Variants in DLC1 observed in about 807,000 individuals in gnomAD.
DLC1 encodes the protein DLC1 Rho GTPase activating protein.
A neutral mutation model predicts 140.3 loss-of-function variants in DLC1; 54 were observed. The observed-to-expected ratio is 0.38, with a 90% CI of 0.31 to 0.48. DLC1 has a LOEUF of 0.48. Ranked by LOEUF, DLC1 falls within the 20% of genes least tolerant of loss-of-function variation. DLC1 has a pLI of 0.96. For synonymous variants in DLC1, 986 were observed against 728.1 expected, an observed-to-expected ratio of 1.35 and a Z score of -5.70; for missense variants, 2,536 against 1,907.0, an observed-to-expected ratio of 1.33 and a Z score of -6.14.
intron 5 of DLC1, among the ~76,000 whole-genome samples, chr8:13,136,507 C>T (rs1175979316): frequency 6.6e-6 from 1 of 152,166 alleles, no homozygotes; most frequent in Non-Finnish European, 1.5e-5. Flanking sequence ...CTGCAAAGGA[C>T]ATCATTTCAT....
chr8:13,346,920 C>A (rs1016428598), intron 4 of DLC1, among the ~76,000 whole-genome samples: 1 of 152,186 alleles, frequency 6.6e-6, no homozygotes, highest in African/African-American at 2.4e-5. Context: ...TGTGGTCAAC[C>A]GTGGTCTGAA....
intron 5 of DLC1, among the ~76,000 whole-genome samples, chr8:13,130,863 C>G (rs1451090073): frequency 6.6e-6 from 1 of 152,218 alleles, no homozygotes; most frequent in Non-Finnish European, 1.5e-5. Context: ...CAAAAGCAAA[C>G]TTTTCAAAAC....
intron 5 of DLC1, among the ~76,000 whole-genome samples, chr8:13,199,716 T>A (rs1827272972): frequency 6.6e-6 from 1 of 152,204 alleles, no homozygotes; most frequent in Non-Finnish European, 1.5e-5. Flanking sequence ...TATGTATTTA[T>A]GGATGATAAC....
At chr8:13,281,583 T>C (rs930685167) in intron 5 of DLC1, among the ~76,000 whole-genome samples, 1 of 152,168 alleles carries the variant, frequency 6.6e-6, no homozygotes, top group African/African-American at 2.4e-5. Flanking sequence ...TACACTGGGG[T>C]TCTATGCTTA....
chr8:13,176,098 A>G (rs1825744247), intron 5 of DLC1, among the ~76,000 whole-genome samples: 1 of 152,212 alleles, frequency 6.6e-6, no homozygotes, highest in African/African-American at 2.4e-5. Flanking sequence ...TTTTCTGGAT[A>G]TAAACTTCTT....
intron 5 of DLC1, among the ~76,000 whole-genome samples, chr8:13,200,235 A>G (rs1391692217): frequency 1.3e-5 from 2 of 149,502 alleles, no homozygotes; most frequent in South Asian, 2.1e-4. Context: ...GTATATATAT[A>G]TTTTTTTTAG....
At chr8:13,378,133 GGTTT>G (rs1170990770) in intron 4 of DLC1, among the ~76,000 whole-genome samples, 2 of 131,844 alleles carry the variant, frequency 1.5e-5, no homozygotes, top group Non-Finnish European at 3.3e-5. Context: ...ACAATGTGCA[GGTTT>G]GTTACATATG....
At chr8:13,158,211 CA>C (rs1651780343) in intron 5 of DLC1, among the ~76,000 whole-genome samples, 1 of 152,170 alleles carries the variant, frequency 6.6e-6, no homozygotes, top group African/African-American at 2.4e-5. Context: ...CCCATATCAT[CA>C]AGAGGGGTTA....
chr8:13,357,426 G>A (rs1472035419), intron 4 of DLC1, among the ~76,000 whole-genome samples: 1 of 152,220 alleles, frequency 6.6e-6, no homozygotes, highest in African/African-American at 2.4e-5. Context: ...ACTCCAGCTT[G>A]CAGAGCTCTG....
At chr8:13,127,666 A>G (rs538905673) in intron 5 of DLC1, among the ~76,000 whole-genome samples, 18 of 152,314 alleles carry the variant, frequency 1.2e-4, no homozygotes, top group African/African-American at 4.3e-4. Context: ...TCACTTCTGA[A>G]GTCTCTTCTT....
chr8:13,543,289 C>T (rs1803546842), intron 1 of DLC1, among the ~76,000 whole-genome samples: 1 of 152,016 alleles, frequency 6.6e-6, no homozygotes, highest in Non-Finnish European at 1.5e-5. Context: ...TGAAGTAGTG[C>T]CTTGTGCTAG....
chr8:13,300,646 G>C (rs1832153100), intron 5 of DLC1, among the ~76,000 whole-genome samples: 1 of 152,100 alleles, frequency 6.6e-6, no homozygotes, highest in Non-Finnish European at 1.5e-5. Flanking sequence ...GGGTGGATCT[G>C]AGGGGCAACA....
intron 2 of DLC1, among the ~76,000 whole-genome samples, chr8:13,452,968 C>T (rs1563359050): frequency 1.3e-5 from 2 of 151,912 alleles, no homozygotes; most frequent in African/African-American, 2.4e-5. Context: ...CTCACAGTTT[C>T]TTGTTGTTGT....
At chr8:13,580,533 G>A (rs1172148691) in intron 1 of DLC1, among the ~76,000 whole-genome samples, 2 of 152,120 alleles carry the variant, frequency 1.3e-5, no homozygotes, top group African/African-American at 4.8e-5. Flanking sequence ...TCAGTGGTGG[G>A]GGTCATTGCC....
At chr8:13,545,692 A>G (rs1186329250) in intron 1 of DLC1, among the ~76,000 whole-genome samples, 2 of 152,148 alleles carry the variant, frequency 1.3e-5, no homozygotes, top group Admixed American at 6.6e-5. Flanking sequence ...TGGAATCTGA[A>G]TATTAGAATT....
chr8:13,426,036 C>A (rs2444941), intron 2 of DLC1, among the ~76,000 whole-genome samples: 2,757 of 152,264 alleles, frequency 0.018, 83 homozygotes, highest in African/African-American at 0.063. Flanking sequence ...TGCTCTCGAA[C>A]TCCTAGGTTC....
At chr8:13,393,234 G>A (rs1221480822) in intron 4 of DLC1, among the ~76,000 whole-genome samples, 1 of 152,042 alleles carries the variant, frequency 6.6e-6, no homozygotes, top group Admixed American at 6.6e-5. Context: ...ATACTGTCAA[G>A]ATAATAGTGT....
intron 4 of DLC1, among the ~76,000 whole-genome samples, chr8:13,377,797 G>A (rs918170033): frequency 2.6e-5 from 4 of 151,870 alleles, no homozygotes; most frequent in African/African-American, 9.7e-5. Context: ...AATAGGTGGC[G>A]CCTAATGATA....
chr8:13,143,842 G>GAGAGAGAGAGAGAGAGAGAGAGAC (rs1186637665), intron 5 of DLC1, among the ~76,000 whole-genome samples: 4 of 146,154 alleles, frequency 2.7e-5, no homozygotes, highest in Non-Finnish European at 6.0e-5. Context: ...GAGAGAGAGA[G>GAGAGAGAGAGAGAGAGAGAGAGAC]AGAGAGAGAG....
Sources: allele counts gnomAD v4.1 joint callset (sites outside exome capture counted in the v4.1 genomes callset), GRCh38; gene constraint gnomAD v4.1.1; transcripts MANE v1.5; gene names NCBI Gene and HGNC (gene_info 2026-07-23, HGNC 2026-07-21).